Variants in UNC5C observed in about 807,000 individuals in gnomAD.
UNC5C encodes the protein unc-5 netrin receptor C, also known as netrin receptor UNC5C.
In UNC5C, 47 loss-of-function variants were observed where a neutral mutation model predicts 99.8. That is an observed-to-expected ratio of 0.47 (90% CI 0.37 to 0.60). UNC5C has a LOEUF of 0.60. Among genes scored for constraint, UNC5C ranks in the 20% least tolerant of loss-of-function variants. UNC5C has a pLI of 0.00. For missense variants in UNC5C, 1,062 were observed against 1,165.9 expected (o/e 0.91, Z 1.30); for synonymous variants, 487 against 452.2 (o/e 1.08, Z -0.98).
chr4:95,420,925 A>G (rs890419482), intron 1 of UNC5C, among the ~76,000 whole-genome samples: 2 of 152,214 alleles, frequency 1.3e-5, no homozygotes, highest in Admixed American at 6.5e-5. Flanking sequence ...TATGAAGCCT[A>G]AAACCAAGGC....
intron 2 of UNC5C, among the ~76,000 whole-genome samples, chr4:95,330,589 C>T (rs941924010): frequency 6.6e-6 from 1 of 151,918 alleles, no homozygotes; most frequent in African/African-American, 2.4e-5. Context: ...TTTTTTATCA[C>T]CTATTTTCTC....
In UNC5C at chr4:95,539,718, C is replaced by G. The variant is rs577988895; in HGVS notation, c.124+9016G>C. 4.6e-5 allele frequency among the ~76,000 whole-genome samples: 7 copies of G among 152,108 alleles called. No homozygotes were observed. The South Asian group carries it at 1.5e-3, about 32-fold the overall frequency. The stretch of plus-strand genomic sequence containing the variant: ...CAGGGAATTAGTGAACTATATTTGT[C>G]TTCTCCTTGTCATTCTTCATTTCGT... On this transcript the variant is annotated intron_variant, in intron 1 of 15. Coordinates refer to ENST00000453304, the MANE Select transcript of UNC5C (RefSeq NM_003728.4).
chr4:95,269,711 A>T (rs1740585239), intron 4 of UNC5C, among the ~76,000 whole-genome samples: 1 of 144,184 alleles, frequency 6.9e-6, no homozygotes, highest in African/African-American at 2.5e-5. Context: ...GGCCTTGACA[A>T]TTTTTTTTTT....
At chr4:95,218,519 T>C (rs1738343511) in intron 9 of UNC5C, among the ~76,000 whole-genome samples, 1 of 152,228 alleles carries the variant, frequency 6.6e-6, no homozygotes, top group African/African-American at 2.4e-5. Context: ...AAATGAAGAT[T>C]TGATGTCTAT....
intron 1 of UNC5C, among the ~76,000 whole-genome samples, chr4:95,383,536 T>A (rs994223562): frequency 6.6e-6 from 1 of 152,202 alleles, no homozygotes; most frequent in Admixed American, 6.5e-5. Flanking sequence ...ATTATCACCT[T>A]ACTGATTCAA....
chr4:95,210,357 G>T (rs1441849416), intron 10 of UNC5C, among the ~76,000 whole-genome samples: 1 of 152,136 alleles, frequency 6.6e-6, no homozygotes, highest in Non-Finnish European at 1.5e-5. Flanking sequence ...GACATAAATA[G>T]CATTGAAATT....
At chr4:95,203,098 T>C in intron 11 of UNC5C, 134 bp from the exon 12 acceptor site, 1 of 702,468 alleles carries the variant, frequency 1.4e-6, no homozygotes, top group Non-Finnish European at 2.4e-6. Context: ...GTTTATAATC[T>C]GTCTACTTGA....
chr4:95,313,720 T>C (rs897064717), intron 2 of UNC5C, among the ~76,000 whole-genome samples: 12 of 152,204 alleles, frequency 7.9e-5, no homozygotes, highest in African/African-American at 2.4e-4. Flanking sequence ...TTAAAAGCAA[T>C]ATGTTTCATA....
chr4:95,268,167 C>G (rs974345668), intron 4 of UNC5C, among the ~76,000 whole-genome samples: 1 of 151,826 alleles, frequency 6.6e-6, no homozygotes, highest in Non-Finnish European at 1.5e-5. Flanking sequence ...GTCTCGATCT[C>G]CTGACCTCGT....
intron 1 of UNC5C, among the ~76,000 whole-genome samples, chr4:95,498,412 A>C (rs1721684436): frequency 6.6e-6 from 1 of 152,070 alleles, no homozygotes; most frequent in Non-Finnish European, 1.5e-5. Context: ...TGTACTTAAA[A>C]TTAAACATTT....
intron 1 of UNC5C, among the ~76,000 whole-genome samples, chr4:95,545,766 G>GCA (rs1417253641): frequency 1.2e-4 from 15 of 129,900 alleles, no homozygotes; most frequent in African/African-American, 4.9e-4. Flanking sequence ...ACACACGCGC[G>GCA]CGCGCGCACA....
At chr4:95,448,515 C>T (rs933896602) in intron 1 of UNC5C, among the ~76,000 whole-genome samples, 9 of 152,004 alleles carry the variant, frequency 5.9e-5, no homozygotes, top group African/African-American at 2.2e-4. Context: ...AGTGATGGCA[C>T]ATAATGGATC....
At chr4:95,533,991 C>T (rs1003066730) in intron 1 of UNC5C, among the ~76,000 whole-genome samples, 2 of 152,126 alleles carry the variant, frequency 1.3e-5, no homozygotes, top group Non-Finnish European at 2.9e-5. Flanking sequence ...CTGTTGGATT[C>T]TTTAGATGGA....
Position 95,244,961 on chromosome 4 carries a change from G to C in UNC5C, c.943+16C>G, listed in dbSNP as rs577894549. 11 of 1,613,134 alleles carry C rather than the reference G, an allele frequency of 6.8e-6. No individual in the cohort carries two copies. The highest frequency in any genetic ancestry group is 9.3e-6 in the Non-Finnish European group (11 of 1,179,744). On this transcript the variant is annotated intron_variant, in intron 6 of 15. Transcript: ENST00000453304. ...ATAATAGGAGATACTTGGAATGAGAGGACTGGTTTATTTACCTGGGCATAA... is the reference window on the plus strand; with the variant it reads ...ATAATAGGAGATACTTGGAATGAGACGACTGGTTTATTTACCTGGGCATAA...
chr4:95,473,023 C>T (rs1748022070), intron 1 of UNC5C, among the ~76,000 whole-genome samples: 1 of 151,334 alleles, frequency 6.6e-6, no homozygotes, highest in East Asian at 2.0e-4. Context: ...AATAATGAAA[C>T]TGTTACTCAA....
intron 2 of UNC5C, among the ~76,000 whole-genome samples, chr4:95,303,175 C>T (rs1741937465): frequency 6.6e-6 from 1 of 152,108 alleles, no homozygotes; most frequent in Non-Finnish European, 1.5e-5. Context: ...GTTGTGCACA[C>T]CAGTGTTTCT....
intron 1 of UNC5C, among the ~76,000 whole-genome samples, chr4:95,516,342 CA>C (rs1722217479): frequency 6.6e-6 from 1 of 152,080 alleles, no homozygotes; most frequent in Non-Finnish European, 1.5e-5. Flanking sequence ...CAAATGAAAA[CA>C]GTATTGACTG....
At chr4:95,187,891 G>T (rs1021644177) in intron 12 of UNC5C, among the ~76,000 whole-genome samples, 3 of 152,140 alleles carry the variant, frequency 2.0e-5, no homozygotes, top group African/African-American at 7.2e-5. Context: ...ATAAACCCTG[G>T]GGAAAGACAA....
At chr4:95,183,980 A>G (rs1365828333) in intron 13 of UNC5C, among the ~76,000 whole-genome samples, 1 of 152,218 alleles carries the variant, frequency 6.6e-6, no homozygotes, top group Non-Finnish European at 1.5e-5. Context: ...TTTAACTAAT[A>G]TCATATTATC....
Sources: allele counts gnomAD v4.1 joint callset (sites outside exome capture counted in the v4.1 genomes callset), GRCh38; gene constraint gnomAD v4.1.1; transcripts MANE v1.5; gene names NCBI Gene and HGNC (gene_info 2026-07-23, HGNC 2026-07-21).